Variants in CCDC50 observed in about 807,000 individuals in gnomAD.
The protein encoded by CCDC50 is coiled-coil domain containing 50, also known as coiled-coil domain-containing protein 50.
In CCDC50, 54 loss-of-function variants were observed where a neutral mutation model predicts 70.2. The ratio of observed to expected loss-of-function variants is 0.77; its 90% CI spans 0.62 to 0.96. CCDC50 has a LOEUF of 0.96. CCDC50 is among the 50% of genes least tolerant of loss of function. CCDC50 has a pLI of 0.00. For missense variants in CCDC50, 558 were observed against 578.7 expected (o/e 0.96, Z 0.37); for synonymous variants, 216 against 198.8 (o/e 1.09, Z -0.73).
At chr3:191,386,909 A>G (rs905225090) in intron 10 of CCDC50, among the ~76,000 whole-genome samples, 1 of 152,178 alleles carries the variant, frequency 6.6e-6, no homozygotes, top group Non-Finnish European at 1.5e-5. Context: ...CCATGTTCCA[A>G]ATTGTTTTAA....
At chr3:191,350,573 G>GA (rs1250061364) in intron 1 of CCDC50, among the ~76,000 whole-genome samples, 1 of 141,966 alleles carries the variant, frequency 7.0e-6, no homozygotes, top group Non-Finnish European at 1.6e-5. Flanking sequence ...AAAGGAAATG[G>GA]CTTTTTTTTC....
At chr3:191,343,196 C>CG (rs1560156614) in intron 1 of CCDC50, among the ~76,000 whole-genome samples, 2 of 152,048 alleles carry the variant, frequency 1.3e-5, no homozygotes, top group Non-Finnish European at 2.9e-5. Context: ...GTCCCCCTCA[C>CG]GTATACCCAG....
At chr3:191,384,927 C>T (rs1403267273) in intron 10 of CCDC50, among the ~76,000 whole-genome samples, 1 of 152,156 alleles carries the variant, frequency 6.6e-6, no homozygotes, top group Non-Finnish European at 1.5e-5. Context: ...ATTTAGTTTT[C>T]TGTTTCTGTG....
At chr3:191,332,145 G>C (rs963560978) in intron 1 of CCDC50, among the ~76,000 whole-genome samples, 1 of 152,140 alleles carries the variant, frequency 6.6e-6, no homozygotes, top group Non-Finnish European at 1.5e-5. Context: ...ACCTTTTGTC[G>C]TGAACATTTC....
rs1713853836 is a variant in CCDC50, at chr3:191,396,222, C to G, written c.*4462C>G. 1 of 152,138 alleles carries G rather than the reference C, an allele frequency of 6.6e-6. No homozygotes were observed. Among genetic ancestry groups the G allele is most frequent in the Admixed American group, 6.5e-5 (1 of 15,268 alleles). 9.4% of individuals were successfully genotyped at this position (152,138 alleles called of 1,614,324 possible). On this transcript the variant is annotated 3_prime_UTR_variant, in exon 12 of 12. Coordinates refer to ENST00000392455, the MANE Select transcript of CCDC50 (RefSeq NM_178335.3). ...CACTGTTTGTGAGGAGCAGTACTGC[C>G]TTAAATTAGTTTGACTCTGACTGAT...
intron 1 of CCDC50, among the ~76,000 whole-genome samples, chr3:191,330,733 C>A (rs980320): frequency 0.19 from 28,294 of 152,094 alleles, 3,094 homozygotes; most frequent in Non-Finnish European, 0.24. Context: ...TGTTTTATTG[C>A]CAACTTAATT....
chr3:191,329,565 G>C lies in CCDC50; in HGVS notation c.-110G>C, dbSNP rs1443546633. The stretch of plus-strand genomic sequence containing the variant: ...CGTTCTCCGGCCTGCGAGCCCTGCC[G>C]GCCGGACTTTGCGCCGCGTCCGGCG... On this transcript the variant is annotated 5_prime_UTR_variant, in exon 1 of 12. Transcript: ENST00000392455. 8.9e-7 allele frequency: 1 copy of C among 1,120,286 alleles called. No individual in the cohort carries two copies. Among genetic ancestry groups the C allele is most frequent in the East Asian group, 3.0e-5 (1 of 33,768 alleles). The allele number at this position is 1,120,286 out of a possible 1,614,324, so 69.4% of individuals were successfully genotyped here.
intron 4 of CCDC50, among the ~76,000 whole-genome samples, chr3:191,362,941 GTGAAGACTTTGCT>G (rs1712546427): frequency 6.6e-6 from 1 of 152,146 alleles, no homozygotes; most frequent in Non-Finnish European, 1.5e-5. Flanking sequence ...CCTCTTTATA[GTGAAGACTTTGCT>G]TTGGGGATGA....
At chr3:191,330,403 T>A (rs1354112769) in intron 1 of CCDC50, 4 of 152,300 alleles carry the variant, frequency 2.6e-5, no homozygotes, top group African/African-American at 9.7e-5. Flanking sequence ...AAAGTAGAGA[T>A]TAGTACTGAC....
chr3:191,397,712 G>C lies in CCDC50; in HGVS notation c.*5952G>C, dbSNP rs927327137. 7.2e-5 allele frequency: 11 copies of C among 152,208 alleles called. No homozygotes were observed. Among genetic ancestry groups the C allele is most frequent in the African/African-American group, 2.4e-4 (10 of 41,450 alleles). The allele number at this position is 152,208 out of a possible 1,614,324, so 9.4% of individuals were successfully genotyped here. ...ACTACGCATTGCCTGGGCACTTTCA[G>C]ATTCCTTAGGAAGTGCCCCTTTGAT... On this transcript the variant is annotated 3_prime_UTR_variant, in exon 12 of 12. Coordinates refer to ENST00000392455, the MANE Select transcript of CCDC50 (RefSeq NM_178335.3).
chr3:191,370,553 A>G (rs1189706330), intron 5 of CCDC50, among the ~76,000 whole-genome samples: 6 of 148,712 alleles, frequency 4.0e-5, no homozygotes, highest in African/African-American at 7.5e-5. Flanking sequence ...CAATGGTGCT[A>G]TCTGGGCTCA....
In CCDC50 at chr3:191,358,029, G is replaced by T. The variant is rs766108708; in HGVS notation, c.144G>T (p.Arg48=). The T allele has an allele frequency of 5.0e-6, 8 of 1,614,002 alleles. No individual in the cohort carries two copies. The Admixed American group carries it at 6.7e-5, about 13-fold the overall frequency. ...IEHHLASNVQ[R]NRLVQHDLQV... is the part of the protein sequence containing the mutation. ...ATCATTTGGCATCGAACGTTCAGCGGAACCGTTTGGTCCAGCATGATCTCC... is the reference window on the plus strand; with the variant it reads ...ATCATTTGGCATCGAACGTTCAGCGTAACCGTTTGGTCCAGCATGATCTCC... The change falls in exon 3 of 12, where the codon CGG becomes CGT. Residue 48 remains arginine, a synonymous_variant. Transcript: ENST00000392455.
chr3:191,370,335 G>C (rs543875894), intron 5 of CCDC50: 13 of 352,550 alleles, frequency 3.7e-5, no homozygotes, highest in African/African-American at 2.4e-4. Flanking sequence ...TTTAACATTA[G>C]GTATATCGCC....
chr3:191,374,175 A>G (rs574311556), intron 5 of CCDC50, among the ~76,000 whole-genome samples: 30 of 152,160 alleles, frequency 2.0e-4, no homozygotes, highest in Non-Finnish European at 3.7e-4. Flanking sequence ...TTGTCTTCAC[A>G]TTATACTTGT....
intron 5 of CCDC50, among the ~76,000 whole-genome samples, chr3:191,373,042 A>G (rs1712967434): frequency 6.6e-6 from 1 of 151,884 alleles, no homozygotes; most frequent in African/African-American, 2.4e-5. Context: ...CCAAACATGG[A>G]GGCACTCATA....
chr3:191,389,673 A>T, intron 11 of CCDC50, 71 bp downstream of exon 11: 1 of 1,177,986 alleles, frequency 8.5e-7, no homozygotes, highest in Non-Finnish European at 1.3e-6. Flanking sequence ...TAGTGGAAAA[A>T]TCAAATTCTG....
chr3:191,354,073 A>G (rs1387652574), intron 1 of CCDC50, among the ~76,000 whole-genome samples: 7 of 152,226 alleles, frequency 4.6e-5, no homozygotes. Flanking sequence ...CTTCATGTTC[A>G]TGGTTTAGCA....
rs539935378 is a variant in CCDC50 at position 191,346,195 on chromosome 3, C to T, written c.50-10893C>T. 1.7e-3 allele frequency among the ~76,000 whole-genome samples: 258 copies of T among 152,192 alleles called. 1 individual carries two copies. The highest frequency in any genetic ancestry group is 6.0e-3 in the African/African-American group (249 of 41,536). ...AATTGCTACTACAACTGATTTTCTT[C>T]CTTGTAAATATTTCTTGCTTCACTG... is the stretch of plus-strand genomic sequence containing the variant. On this transcript the variant is annotated intron_variant, in intron 1 of 11. Coordinates refer to ENST00000392455, the MANE Select transcript of CCDC50 (RefSeq NM_178335.3).
In CCDC50 at chr3:191,363,862, A is replaced by C. The variant is rs1056192802; in HGVS notation, c.330+2703A>C. Among the ~76,000 whole-genome samples the C allele has an allele frequency of 1.4e-4, 21 of 152,306 alleles. No individual in the cohort carries two copies. The East Asian group carries it at 3.3e-3, about 24-fold the overall frequency. ...GCCAAGGTAGAAAAATGTGACTCTC[A>C]GCTGTCTAGTATGTTGTCAATATTA... On this transcript the variant is annotated intron_variant, in intron 4 of 11. Transcript: ENST00000392455.
Sources: allele counts gnomAD v4.1 joint callset (sites outside exome capture counted in the v4.1 genomes callset), GRCh38; gene constraint gnomAD v4.1.1; transcripts MANE v1.5; gene names NCBI Gene and HGNC (gene_info 2026-07-23, HGNC 2026-07-21).